Variants in SOX6 observed in about 807,000 individuals in gnomAD.
SOX6 encodes the protein SRY-box transcription factor 6.
A neutral mutation model predicts 97.8 loss-of-function variants in SOX6; 11 were observed. That is an observed-to-expected ratio of 0.11 (90% confidence interval 0.07 to 0.19). The LOEUF (loss-of-function observed/expected upper bound fraction) is 0.19, where lower values mean the gene tolerates loss of function less well. Among genes scored for constraint, SOX6 ranks in the 10% least tolerant of loss-of-function variants. The pLI is 1.00. For synonymous variants in SOX6, 360 were observed against 371.4 expected (o/e 0.97, Z 0.35); for missense variants, 810 against 1,039.5 (o/e 0.78, Z 3.04).
At chr11:16,673,023 G>A (rs917155065) in intron 3 of SOX6, among the ~76,000 whole-genome samples, 4 of 152,072 alleles carry the variant, frequency 2.6e-5, no homozygotes, top group Non-Finnish European at 1.5e-5. Context: ...AGTTAGCTGA[G>A]ATCATGCCAC....
chr11:16,124,374 T>G (rs945169062), intron 6 of SOX6, among the ~76,000 whole-genome samples: 2 of 151,990 alleles, frequency 1.3e-5, no homozygotes, highest in African/African-American at 4.8e-5. Context: ...CATGAACAAA[T>G]ACATACAGAT....
chr11:15,999,914 T>C (rs1456390945), intron 13 of SOX6, among the ~76,000 whole-genome samples: 1 of 152,116 alleles, frequency 6.6e-6, no homozygotes, highest in Non-Finnish European at 1.5e-5. Flanking sequence ...TGATACCGAA[T>C]GCATTAGAAA....
At chr11:16,311,135 G>T (rs1345465462) in intron 3 of SOX6, 1 of 152,064 alleles carries the variant, frequency 6.6e-6, no homozygotes, top group African/African-American at 2.4e-5. Flanking sequence ...AAACTGAATT[G>T]CTCTTCCAGA....
At chr11:16,139,190 C>T (rs1051982566) in intron 6 of SOX6, among the ~76,000 whole-genome samples, 13 of 152,094 alleles carry the variant, frequency 8.5e-5, no homozygotes, top group Admixed American at 2.0e-4. Flanking sequence ...TTTCCACTAT[C>T]GTGTTACACT....
intron 4 of SOX6, chr11:16,484,443 T>A (rs1273519474): frequency 1.3e-6 from 1 of 796,814 alleles, no homozygotes; most frequent in Non-Finnish European, 2.3e-6. Flanking sequence ...CACAGCTTAC[T>A]GACAATGAAG....
upstream of SOX6, among the ~76,000 whole-genome samples, chr11:16,358,620 G>A (rs1489985548): frequency 6.6e-6 from 1 of 152,076 alleles, no homozygotes. Context: ...TGGAAGACAG[G>A]CCATAAGAGG....
At chr11:16,639,893 C>T (rs1332373144) in intron 3 of SOX6, among the ~76,000 whole-genome samples, 2 of 152,058 alleles carry the variant, frequency 1.3e-5, no homozygotes, top group African/African-American at 4.8e-5. Flanking sequence ...TAATTGAATA[C>T]CCTTTATTTC....
intron 3 of SOX6, among the ~76,000 whole-genome samples, chr11:16,245,420 T>C (rs540223783): frequency 4.0e-5 from 6 of 151,848 alleles, no homozygotes; most frequent in African/African-American, 7.2e-5. Context: ...TAGTGTAGTG[T>C]TCTAGCAACA....
chr11:16,489,846 G>A (rs1305140445), intron 4 of SOX6, among the ~76,000 whole-genome samples: 3 of 152,092 alleles, frequency 2.0e-5, no homozygotes, highest in South Asian at 4.1e-4. Context: ...CTGAGAAAGT[G>A]AAGGCTAGGA....
At chr11:16,413,568 T>G (rs2133058213) in intron 1 of SOX6, among the ~76,000 whole-genome samples, 1 of 144,508 alleles carries the variant, frequency 6.9e-6, no homozygotes, top group East Asian at 2.1e-4. Flanking sequence ...TCGCCCAGGC[T>G]GGAGTGCAGT....
intron 12 of SOX6, among the ~76,000 whole-genome samples, chr11:16,043,908 G>A (rs138988898): frequency 6.9e-4 from 104 of 151,506 alleles, no homozygotes; most frequent in African/African-American, 2.4e-3. Flanking sequence ...TGATGCAGGG[G>A]TACAAAAGCT....
At chr11:16,659,730 G>A (rs1390798028) in intron 3 of SOX6, among the ~76,000 whole-genome samples, 4 of 152,128 alleles carry the variant, frequency 2.6e-5, no homozygotes, top group African/African-American at 7.2e-5. Flanking sequence ...TTTTTCACTG[G>A]TAGAATTTAC....
intron 4 of SOX6, among the ~76,000 whole-genome samples, chr11:16,514,689 C>T (rs1199087325): frequency 8.7e-6 from 1 of 115,352 alleles, no homozygotes. Flanking sequence ...AATGCTATCC[C>T]TCCCCCCTCC....
At chr11:16,292,824 G>A (rs1854955311) in intron 3 of SOX6, among the ~76,000 whole-genome samples, 1 of 152,116 alleles carries the variant, frequency 6.6e-6, no homozygotes. Context: ...GTACAGAGAG[G>A]GAACCCGGGT....
chr11:16,106,658 G>C (rs890563366), intron 7 of SOX6, among the ~76,000 whole-genome samples: 1 of 151,946 alleles, frequency 6.6e-6, no homozygotes, highest in Non-Finnish European at 1.5e-5. Flanking sequence ...AAACATAGTG[G>C]TAAATCTTTA....
intron 4 of SOX6, among the ~76,000 whole-genome samples, chr11:16,570,710 G>A (rs1459225911): frequency 6.6e-6 from 1 of 152,108 alleles, no homozygotes; most frequent in Admixed American, 6.5e-5. Flanking sequence ...TTCATCATAT[G>A]AAAAAGATCA....
At chr11:16,057,461 A>G (rs1847845952) in intron 9 of SOX6, among the ~76,000 whole-genome samples, 1 of 152,126 alleles carries the variant, frequency 6.6e-6, no homozygotes, top group African/African-American at 2.4e-5. Context: ...TACCCAACGT[A>G]ATTGAATATA....
intron 3 of SOX6, among the ~76,000 whole-genome samples, chr11:16,698,091 G>C (rs1034581509): frequency 2.0e-5 from 3 of 152,226 alleles, no homozygotes; most frequent in Admixed American, 6.5e-5. Flanking sequence ...GTCCTTCAAA[G>C]TGTTGAAGCC....
intron 4 of SOX6, among the ~76,000 whole-genome samples, chr11:16,532,668 A>G (rs1369907373): frequency 6.6e-6 from 1 of 151,930 alleles, no homozygotes; most frequent in Non-Finnish European, 1.5e-5. Context: ...CCTAGTCATA[A>G]TATGCCTTAA....
Sources: gnomAD v4.1 joint callset for allele counts (sites outside exome capture counted in the v4.1 genomes callset) on GRCh38, gnomAD v4.1.1 for gene constraint, MANE v1.5 for transcripts, NCBI Gene and HGNC (gene_info 2026-07-23, HGNC 2026-07-21) for gene names.